PCDHGB3: variants seen among roughly 807,000 people sequenced by gnomAD.
PCDHGB3 encodes the protein protocadherin gamma subfamily B, 3.
PCDHGB3 carries 40 observed loss-of-function variants against 59.2 expected under a neutral mutation model. That is an observed-to-expected ratio of 0.68 (90% CI 0.52 to 0.88). The LOEUF (loss-of-function observed/expected upper bound fraction) is 0.88. Ranked by LOEUF, PCDHGB3 falls within the 40% of genes least tolerant of loss-of-function variation. The probability of loss-of-function intolerance (pLI) is 0.00; values close to 1 mark genes in which losing one functional copy is unlikely to be tolerated. For missense variants in PCDHGB3, 1,309 were observed against 1,187.9 expected, an observed-to-expected ratio of 1.10 and a Z score of -1.50; for synonymous variants, 581 against 503.6, an observed-to-expected ratio of 1.15 and a Z score of -2.06.
At chr5:141,465,889 G>A (rs956310325) in intron 1 of PCDHGB3, among the ~76,000 whole-genome samples, 4 of 152,056 alleles carry the variant, frequency 2.6e-5, no homozygotes, top group Admixed American at 6.5e-5. Context: ...TTGGGAGGCC[G>A]AGGCGGGCAA....
intron 1 of PCDHGB3, among the ~76,000 whole-genome samples, chr5:141,401,533 CA>C: frequency 6.6e-6 from 1 of 151,790 alleles, no homozygotes; most frequent in East Asian, 1.9e-4. Flanking sequence ...AAGAAACTTA[CA>C]AAAAAAAGGA....
chr5:141,454,657 CG>C (rs1313292109), intron 1 of PCDHGB3, among the ~76,000 whole-genome samples: 1 of 152,074 alleles, frequency 6.6e-6, no homozygotes, highest in Admixed American at 6.6e-5. Flanking sequence ...CTGCCCACCT[CG>C]GCCTCCCAAA....
chr5:141,431,416 C>G lies in PCDHGB3; in HGVS notation c.2415+58607C>G, dbSNP rs778722151. 3 of 1,613,596 alleles carry G rather than the reference C, an allele frequency of 1.9e-6. No homozygotes were observed. The highest frequency in any genetic ancestry group is 2.7e-5 in the African/African-American group (2 of 74,954). On this transcript the variant is annotated intron_variant, in intron 1 of 3. Coordinates refer to ENST00000576222, the MANE Select transcript of PCDHGB3 (RefSeq NM_018924.5). The surrounding 1 kb of genome is among the most constrained non-coding windows in gnomAD (Gnocchi z 4.8). ...TCCTTACGGCCTCCGACGGGGGCGA[C>G]CCGGTGCGCACAGGCACCGCGCGCA...
intron 1 of PCDHGB3, chr5:141,383,907 A>T: frequency 1.2e-6 from 2 of 1,613,958 alleles, no homozygotes; most frequent in Non-Finnish European, 1.7e-6. Flanking sequence ...TACTGATCAC[A>T]GTTTTAGATG....
chr5:141,372,279 G>C lies in PCDHGB3; in HGVS notation c.1885G>C (p.Ala629Pro). The change falls in exon 1 of 4, where the codon GCG becomes CCG. Residue 629 changes from alanine (A) to proline (P), a missense_variant. By Grantham distance (27) the Ala-to-Pro change is conservative. Coordinates refer to ENST00000576222, the MANE Select transcript of PCDHGB3 (RefSeq NM_018924.5). The stretch of plus-strand genomic sequence containing the variant: ...CCTGCGCACGGGTGAGGTGCGCACG[G>C]CGCGTACCTTGGGCGACAGGGAGGC... ...LGLRTGEVRTARTLGDREAAR... is the reference protein window; with the variant it reads ...LGLRTGEVRTPRTLGDREAAR... 1 of 1,613,176 alleles carries C rather than the reference G, an allele frequency of 6.2e-7. No homozygotes were observed. The highest frequency in any genetic ancestry group is 8.5e-7 in the Non-Finnish European group (1 of 1,179,842).
At chr5:141,376,467 A>C in intron 1 of PCDHGB3, 3 of 1,614,180 alleles carry the variant, frequency 1.9e-6, no homozygotes, top group Non-Finnish European at 2.5e-6. Flanking sequence ...CTGATAACTC[A>C]GGATTTACTT....
At chr5:141,413,531 A>G (rs1472068242) in intron 1 of PCDHGB3, 6 of 1,613,818 alleles carry the variant, frequency 3.7e-6, no homozygotes, top group Non-Finnish European at 5.1e-6. Flanking sequence ...GACAGGGTGA[A>G]ACTTTTTGGG....
At chr5:141,429,468 A>G (rs2097217267) in intron 1 of PCDHGB3, among the ~76,000 whole-genome samples, 1 of 152,048 alleles carries the variant, frequency 6.6e-6, no homozygotes, top group Admixed American at 6.6e-5. Flanking sequence ...TCCCACCTCA[A>G]TCTCCAGAGT....
intron 1 of PCDHGB3, among the ~76,000 whole-genome samples, chr5:141,474,926 C>T (rs756761848): frequency 1.3e-5 from 2 of 152,218 alleles, no homozygotes; most frequent in Non-Finnish European, 2.9e-5. Context: ...TCATCTCTGG[C>T]TTATATCACA....
chr5:141,384,986 C>T (rs867210871), intron 1 of PCDHGB3: 11 of 1,613,988 alleles, frequency 6.8e-6, no homozygotes, highest in Middle Eastern at 1.6e-4. Flanking sequence ...CTGGTGGTGG[C>T]GGTGGCCACA....
chr5:141,488,656 G>A (rs2099678001), intron 1 of PCDHGB3, among the ~76,000 whole-genome samples: 1 of 152,200 alleles, frequency 6.6e-6, no homozygotes, highest in African/African-American at 2.4e-5. Flanking sequence ...ATGGGGGAGG[G>A]TGGGGGAATA....
intron 1 of PCDHGB3, chr5:141,394,129 C>T: frequency 3.7e-6 from 6 of 1,613,968 alleles, no homozygotes; most frequent in Non-Finnish European, 5.1e-6. Context: ...ACTCAAATCG[C>T]TCTGCACGTG....
intron 1 of PCDHGB3, chr5:141,382,817 A>G (rs1778464992): frequency 3.9e-6 from 5 of 1,269,918 alleles, no homozygotes; most frequent in Non-Finnish European, 4.4e-6. Flanking sequence ...TCCCCTTCCT[A>G]AGACAGAGGG....
At chr5:141,399,304 T>C (rs756847972) in intron 1 of PCDHGB3, 1 of 1,613,956 alleles carries the variant, frequency 6.2e-7, no homozygotes, top group Admixed American at 1.7e-5. Context: ...GATTATCTCT[T>C]CATCCAAAAA....
intron 1 of PCDHGB3, among the ~76,000 whole-genome samples, chr5:141,474,651 C>T (rs2099352565): frequency 6.6e-6 from 1 of 152,178 alleles, no homozygotes; most frequent in South Asian, 2.1e-4. Flanking sequence ...ATCCTTACTT[C>T]TTTTCTACCT....
intron 1 of PCDHGB3, chr5:141,398,074 T>A: frequency 6.3e-7 from 1 of 1,590,802 alleles, no homozygotes; most frequent in Non-Finnish European, 8.6e-7. Context: ...ATACAGAGGT[T>A]ATTTGTAACC....
At position 141,372,683 on chromosome 5, in the gene PCDHGB3, C is replaced by T. The variant is rs764987054; in HGVS notation, c.2289C>T (p.Thr763=). The change falls in exon 1 of 4, where the codon ACC becomes ACT. Residue 763 remains threonine (T), a synonymous_variant. Coordinates refer to ENST00000576222, the MANE Select transcript of PCDHGB3 (RefSeq NM_018924.5). The stretch of plus-strand genomic sequence containing the variant: ...GTGCTGCCTCACATTCCTCAAACAC[C>T]GAGTTTAAATTTCTCAATATAAAGG... ...NPCAASHSSN[T]EFKFLNIKAE... The T allele has an allele frequency of 1.9e-6, 3 of 1,613,826 alleles. No homozygotes were observed. In the African/African-American group the frequency reaches 4.0e-5, roughly 22 times the overall value.
rs769872504 is a variant in PCDHGB3, at chr5:141,394,062, A to G, written c.2415+21253A>G. 2.5e-6 allele frequency: 4 copies of G among 1,613,808 alleles called. No homozygotes were observed. The South Asian group carries it at 4.4e-5, about 18-fold the overall frequency. On this transcript the variant is annotated intron_variant, in intron 1 of 3. Coordinates refer to ENST00000576222, the MANE Select transcript of PCDHGB3 (RefSeq NM_018924.5). ...ATATTTGGACCGAGAAAATGTCTCT[A>G]TCTACAATATCACAGTGATGGCCTC... is the stretch of plus-strand genomic sequence containing the variant.
In PCDHGB3 at chr5:141,433,322, T is replaced by A. The variant is rs907709272; in HGVS notation, c.2415+60513T>A. On this transcript the variant is annotated intron_variant, in intron 1 of 3. Transcript: ENST00000576222. ...AATTATCCCACCTTTGCCTCCGGTGTAACAGGGACTACAGGTGCAAGCCAC... is the reference window on the plus strand; with the variant it reads ...AATTATCCCACCTTTGCCTCCGGTGAAACAGGGACTACAGGTGCAAGCCAC... The A allele has an allele frequency of 5.3e-6, 4 of 760,298 alleles. No homozygotes were observed. In the African/African-American group the frequency reaches 7.1e-5, roughly 13 times the overall value. The allele number at this position is 760,298 out of a possible 1,614,324, so 47.1% of individuals were successfully genotyped here.
Sources: allele counts gnomAD v4.1 joint callset (sites outside exome capture counted in the v4.1 genomes callset), GRCh38; gene constraint gnomAD v4.1.1; non-coding constraint Gnocchi (gnomAD v3.1); transcripts MANE v1.5; gene names NCBI Gene and HGNC (gene_info 2026-07-23, HGNC 2026-07-21).